PI4KA: variants seen among roughly 807,000 people sequenced by gnomAD.
PI4KA encodes PI4-kinase alpha.
PI4KA carries 122 observed loss-of-function variants against 271.4 expected under a neutral mutation model. The ratio of observed to expected loss-of-function variants is 0.45; its 90% confidence interval spans 0.39 to 0.52. The LOEUF (loss-of-function observed/expected upper bound fraction) is 0.52. Ranked by LOEUF, PI4KA falls within the 20% of genes least tolerant of loss-of-function variation. The pLI is 0.00. For synonymous variants in PI4KA, 1,041 were observed against 1,078.8 expected (o/e 0.96, Z 0.69); for missense variants, 1,969 against 2,769.1 (o/e 0.71, Z 6.48).
At chr22:20,847,134 C>A (rs1472653185) in intron 1 of PI4KA, among the ~76,000 whole-genome samples, 2 of 139,494 alleles carry the variant, frequency 1.4e-5, no homozygotes. Context: ...GGCAACAGAG[C>A]AAGACTCCAT....
chr22:20,755,256 T>G (rs192956159), intron 23 of PI4KA, among the ~76,000 whole-genome samples: 2 of 152,346 alleles, frequency 1.3e-5, no homozygotes, highest in East Asian at 3.9e-4. Flanking sequence ...CTTTGGCCAC[T>G]CGGAGCTCTT....
intron 1 of PI4KA, among the ~76,000 whole-genome samples, chr22:20,840,798 T>C (rs1015308614): frequency 6.6e-6 from 1 of 151,972 alleles, no homozygotes; most frequent in Non-Finnish European, 1.5e-5. Flanking sequence ...GGAGGATCAC[T>C]TGAGCCCAGG....
chr22:20,836,596 GCCCACTGCTGGGA>G, intron 2 of PI4KA, among the ~76,000 whole-genome samples: 1 of 152,192 alleles, frequency 6.6e-6, no homozygotes, highest in Non-Finnish European at 1.5e-5. Flanking sequence ...TACCATGGCA[GCCCACTGCTGGGA>G]CCTGAAGGAG....
At chr22:20,853,625 G>A (rs1927256022) in intron 1 of PI4KA, among the ~76,000 whole-genome samples, 1 of 152,184 alleles carries the variant, frequency 6.6e-6, no homozygotes, top group South Asian at 2.1e-4. Context: ...CTCTGAGGTG[G>A]GTTCCAATCC....
Position 20,799,755 on chromosome 22 carries a change from G to A in PI4KA, c.1736C>T (p.Ala579Val). The A allele has an allele frequency of 1.3e-6, 2 of 1,551,380 alleles. No individual in the cohort carries two copies. Among genetic ancestry groups the A allele is most frequent in the South Asian group, 1.2e-5 (1 of 83,994 alleles). Residue 579 changes from alanine (A) to valine (V), a missense_variant, in exon 15 of 55, where the codon GCT becomes GTT. Ala to Val is a moderately conservative substitution (Grantham distance 64, BLOSUM62 0). Transcript: ENST00000255882. The part of the protein sequence containing the change: ...AIDNICRCLK[A>V]GLTVDPVIVE... ...AATCACTGGGTCCACCGTCAATCCAGCCTTCAGGCACCTGAGGAGCAAGAA... is the reference window on the plus strand; with the variant it reads ...AATCACTGGGTCCACCGTCAATCCAACCTTCAGGCACCTGAGGAGCAAGAA...
intron 19 of PI4KA, chr22:20,786,971 T>C (rs1934291579): frequency 1.9e-6 from 3 of 1,614,070 alleles, no homozygotes; most frequent in Admixed American, 1.7e-5. Flanking sequence ...CCAAGTCCGC[T>C]TCACTGTCGA....
chr22:20,724,059 C>T (rs1039406952), intron 42 of PI4KA, among the ~76,000 whole-genome samples: 5 of 151,696 alleles, frequency 3.3e-5, no homozygotes, highest in African/African-American at 9.7e-5. Context: ...AGTATGGTCT[C>T]GATCTCCTGA....
chr22:20,782,178 C>T (rs975943657), intron 19 of PI4KA, among the ~76,000 whole-genome samples: 9 of 152,186 alleles, frequency 5.9e-5, no homozygotes, highest in African/African-American at 2.2e-4. Flanking sequence ...ACCAAAGAGC[C>T]TCTGCATTAG....
At chr22:20,807,314 GGAGCCA>G (rs763804786) in intron 10 of PI4KA, 42 bp downstream of exon 10, 11 of 1,185,202 alleles carry the variant, frequency 9.3e-6, no homozygotes, top group Non-Finnish European at 1.4e-5. Context: ...CAGTGGCCTG[GGAGCCA>G]GTCTTGCTGT....
At chr22:20,761,447 T>G in intron 22 of PI4KA, 61 bp from the exon 23 acceptor site, 1 of 951,328 alleles carries the variant, frequency 1.1e-6, no homozygotes, top group Non-Finnish European at 1.7e-6. Context: ...ATCACAGATT[T>G]GACACTGCCC....
At chr22:20,834,968 G>GTT (rs1392966263) in intron 2 of PI4KA, among the ~76,000 whole-genome samples, 1 of 152,154 alleles carries the variant, frequency 6.6e-6, no homozygotes, top group Non-Finnish European at 1.5e-5. Flanking sequence ...GGAGGTACAC[G>GTT]TGTGTACACA....
At chr22:20,798,467 G>A in intron 17 of PI4KA, 117 bp downstream of exon 17, 1 of 765,762 alleles carries the variant, frequency 1.3e-6, no homozygotes, top group Non-Finnish European at 2.3e-6. Flanking sequence ...GCACTGATCT[G>A]TAGCATATAG....
chr22:20,780,412 C>G (rs1427128002), intron 19 of PI4KA, among the ~76,000 whole-genome samples: 1 of 152,182 alleles, frequency 6.6e-6, no homozygotes, highest in Non-Finnish European at 1.5e-5. Flanking sequence ...TTTAACACAG[C>G]CTTGTGAGGT....
intron 22 of PI4KA, among the ~76,000 whole-genome samples, chr22:20,762,483 G>A (rs1361258191): frequency 1.3e-5 from 2 of 152,198 alleles, no homozygotes; most frequent in Non-Finnish European, 2.9e-5. Context: ...TGGAAGGTGG[G>A]CTCACAGGAG....
intron 32 of PI4KA, among the ~76,000 whole-genome samples, chr22:20,741,363 G>A (rs1418240664): frequency 5.3e-5 from 8 of 152,206 alleles, no homozygotes; most frequent in Non-Finnish European, 1.0e-4. Context: ...AGGCTGAAGC[G>A]TGACTTCCAC....
rs1388341595 is a variant in PI4KA, at chr22:20,727,370, C to T, written c.4801G>A (p.Ala1601Thr). 25 of 1,607,384 alleles carry T rather than the reference C, an allele frequency of 1.6e-5. No homozygotes were observed. Among genetic ancestry groups the T allele is most frequent in the South Asian group, 4.4e-5 (4 of 90,482 alleles). ...ACATGGCTGAGCTCTGGAGCATCGG[C>T]GTCGATGGTGTGCCAGGTGACCAGG... ...KFLVTWHTID[A>T]DAPELSHVLC... The change falls in exon 41 of 55, where the codon GCC (alanine) becomes ACC (threonine). Residue 1601 changes from alanine to threonine, a missense_variant. Coordinates refer to ENST00000255882, the MANE Select transcript of PI4KA (RefSeq NM_058004.4).
At chr22:20,751,460 C>T in intron 26 of PI4KA, 84 bp from the exon 27 acceptor site, 1 of 1,226,936 alleles carries the variant, frequency 8.2e-7, no homozygotes, top group South Asian at 1.3e-5. Context: ...CTACCCACCA[C>T]CTGTCTGTCT....
At chr22:20,714,806 C>A (rs1231023604) in intron 45 of PI4KA, 106 bp from the exon 46 acceptor site, 2 of 1,345,194 alleles carry the variant, frequency 1.5e-6, no homozygotes, top group Admixed American at 2.3e-5. Context: ...TGCAGGCACA[C>A]CCCGCCCCTG....
At chr22:20,834,733 C>T in intron 2 of PI4KA, 78 bp from the exon 3 acceptor site, 2 of 827,250 alleles carry the variant, frequency 2.4e-6, no homozygotes, top group East Asian at 5.3e-5. Context: ...AGATTAAGCC[C>T]AAAGCAAAGC....
Sources: allele counts gnomAD v4.1 joint callset (sites outside exome capture counted in the v4.1 genomes callset), GRCh38; gene constraint gnomAD v4.1.1; transcripts MANE v1.5; gene names NCBI Gene and HGNC (gene_info 2026-07-23, HGNC 2026-07-21).